The following MICU1 variants were observed in gnomAD, a reference collection of about 807,000 sequenced individuals.
MICU1 encodes calcium uptake protein 1, mitochondrial.
In MICU1, 45 loss-of-function variants were observed where a neutral mutation model predicts 56.8. That is an observed-to-expected ratio of 0.79 (90% CI 0.62 to 1.02). MICU1 has a LOEUF of 1.02. Among genes scored for constraint, MICU1 ranks in the 50% least tolerant of loss-of-function variants. The probability of loss-of-function intolerance (pLI) is 0.00; values close to 1 mark genes in which losing one functional copy is unlikely to be tolerated. For synonymous variants in MICU1, 186 were observed against 195.1 expected (o/e 0.95, Z 0.39); for missense variants, 504 against 587.1 (o/e 0.86, Z 1.46).
At chr10:72,521,365 G>A (rs901379581) in intron 5 of MICU1, among the ~76,000 whole-genome samples, 1 of 151,886 alleles carries the variant, frequency 6.6e-6, no homozygotes, top group African/African-American at 2.4e-5. Context: ...AAGCACCAAT[G>A]ACCATTAAAG....
intron 1 of MICU1, among the ~76,000 whole-genome samples, chr10:72,567,144 T>C (rs1840460573): frequency 6.6e-6 from 1 of 151,578 alleles, no homozygotes; most frequent in Non-Finnish European, 1.5e-5. Flanking sequence ...AGCCCAGGAG[T>C]TGAAGAACGG....
At chr10:72,575,081 C>T (rs982784970) in intron 1 of MICU1, among the ~76,000 whole-genome samples, 3 of 152,120 alleles carry the variant, frequency 2.0e-5, no homozygotes, top group Non-Finnish European at 2.9e-5. Context: ...TCAATTTTTA[C>T]GGAGATGGGG....
intron 8 of MICU1, among the ~76,000 whole-genome samples, chr10:72,429,068 A>C (rs1176421455): frequency 6.6e-6 from 1 of 152,186 alleles, no homozygotes; most frequent in Non-Finnish European, 1.5e-5. Flanking sequence ...GTTGTTGTAA[A>C]GATTAAATGG....
chr10:72,564,957 A>G (rs192431026), intron 2 of MICU1, among the ~76,000 whole-genome samples: 33 of 152,202 alleles, frequency 2.2e-4, no homozygotes, highest in Admixed American at 1.5e-3. Context: ...GTAACATCCC[A>G]GAAAGATCAT....
intron 8 of MICU1, among the ~76,000 whole-genome samples, chr10:72,452,961 C>A (rs1334425513): frequency 2.6e-5 from 4 of 152,010 alleles, no homozygotes; most frequent in Non-Finnish European, 5.9e-5. Context: ...TAAAGCAGAT[C>A]TAGAGGAGAC....
chr10:72,615,822 C>G (rs2132579351), intron 1 of MICU1, among the ~76,000 whole-genome samples: 1 of 152,190 alleles, frequency 6.6e-6, no homozygotes, highest in South Asian at 2.1e-4. Context: ...AACCCTGTCT[C>G]TACTAAAAAT....
intron 8 of MICU1, among the ~76,000 whole-genome samples, chr10:72,456,958 T>TGG (rs1357525662): frequency 7.1e-4 from 107 of 149,940 alleles, no homozygotes; most frequent in African/African-American, 2.5e-3. Flanking sequence ...TGTGTGTGTG[T>TGG]GTGTGTGTGT....
chr10:72,421,002 C>CAAAAAAAAAAA (rs34221911), intron 9 of MICU1, among the ~76,000 whole-genome samples: 1 of 108,658 alleles, frequency 9.2e-6, no homozygotes, highest in Non-Finnish European at 1.8e-5. Flanking sequence ...AACTCCGTCT[C>CAAAAAAAAAAA]AAAAAAAAAA....
intron 1 of MICU1, among the ~76,000 whole-genome samples, chr10:72,570,018 T>C (rs1270608890): frequency 6.6e-6 from 1 of 152,212 alleles, no homozygotes; most frequent in Non-Finnish European, 1.5e-5. Context: ...TGATCTTGGC[T>C]CACTGCAACC....
At chr10:72,596,936 T>C (rs1433283996) in intron 1 of MICU1, among the ~76,000 whole-genome samples, 2 of 151,236 alleles carry the variant, frequency 1.3e-5, no homozygotes, top group African/African-American at 2.4e-5. Context: ...ATGTAAACTA[T>C]GGACTTTAGT....
chr10:72,570,729 T>G (rs1840589121), intron 1 of MICU1, among the ~76,000 whole-genome samples: 1 of 152,226 alleles, frequency 6.6e-6, no homozygotes, highest in African/African-American at 2.4e-5. Context: ...CTATTTTCCA[T>G]GACCTAAGCT....
intron 10 of MICU1, among the ~76,000 whole-genome samples, chr10:72,380,044 G>A (rs547418689): frequency 1.3e-5 from 2 of 152,318 alleles, no homozygotes; most frequent in South Asian, 4.1e-4. Flanking sequence ...CTGGTCCTGA[G>A]AGTTGGTTCA....
intron 5 of MICU1, among the ~76,000 whole-genome samples, chr10:72,510,611 G>A (rs1867412417): frequency 6.6e-6 from 1 of 151,898 alleles, no homozygotes; most frequent in Non-Finnish European, 1.5e-5. Flanking sequence ...AGGAAATTTA[G>A]TATTGATACA....
At chr10:72,431,506 T>C (rs747415315) in intron 8 of MICU1, among the ~76,000 whole-genome samples, 4 of 152,182 alleles carry the variant, frequency 2.6e-5, no homozygotes, top group African/African-American at 4.8e-5. Context: ...TTAGGAACAA[T>C]GCTGTTATGA....
At chr10:72,391,166 G>T (rs1209417790) in intron 10 of MICU1, among the ~76,000 whole-genome samples, 3 of 152,236 alleles carry the variant, frequency 2.0e-5, no homozygotes, top group Non-Finnish European at 4.4e-5. Context: ...GGGTGCAGTG[G>T]CTCACGCCTG....
rs569531107 is a variant in MICU1, at chr10:72,591,613, T to G, written c.-1-24819A>C. On this transcript the variant is annotated intron_variant, in intron 1 of 11. Transcript: ENST00000361114. ...TATGAACAACTGTATACCAACAAATTGGGAAACCTAGATAAGATGGACCAA... is the reference window on the plus strand; with the variant it reads ...TATGAACAACTGTATACCAACAAATGGGGAAACCTAGATAAGATGGACCAA... 8.5e-4 allele frequency among the ~76,000 whole-genome samples: 130 copies of G among 152,224 alleles called. 1 individual carries two copies. The highest frequency in any genetic ancestry group is 6.6e-4 in the Non-Finnish European group (45 of 67,996).
At chr10:72,394,962 C>T (rs980467600) in intron 10 of MICU1, among the ~76,000 whole-genome samples, 5 of 152,024 alleles carry the variant, frequency 3.3e-5, no homozygotes, top group South Asian at 2.1e-4. Flanking sequence ...AGGCAGATCA[C>T]GAGGTCAGGA....
At chr10:72,617,115 C>A (rs749390054) in intron 1 of MICU1, among the ~76,000 whole-genome samples, 26 of 152,192 alleles carry the variant, frequency 1.7e-4, no homozygotes, top group African/African-American at 7.2e-5. Flanking sequence ...CCTGTTACTA[C>A]TTCTTCACCA....
chr10:72,523,197 A>G (rs1480148560), intron 5 of MICU1, among the ~76,000 whole-genome samples: 3 of 152,054 alleles, frequency 2.0e-5, no homozygotes, highest in Non-Finnish European at 4.4e-5. Context: ...TTATTAAAGG[A>G]GAGGAAGAGT....
Sources: gnomAD v4.1 joint callset for allele counts (sites outside exome capture counted in the v4.1 genomes callset) on GRCh38, gnomAD v4.1.1 for gene constraint, MANE v1.5 for transcripts, NCBI Gene and HGNC (gene_info 2026-07-23, HGNC 2026-07-21) for gene names.